CYP2R1: variants seen among roughly 807,000 people sequenced by gnomAD.
The protein encoded by CYP2R1 is cytochrome P450 family 2 subfamily R member 1, also known as vitamin D 25-hydroxylase.
Under a neutral mutation model 45.7 loss-of-function variants are expected in CYP2R1, and 40 were observed. The observed-to-expected ratio is 0.87, with a 90% CI of 0.68 to 1.14. CYP2R1 has a LOEUF of 1.14. CYP2R1 is among the 50% of genes most tolerant of loss of function. The pLI, the probability that CYP2R1 is intolerant of heterozygous loss-of-function variation, is 0.00. For missense variants in CYP2R1, 605 were observed against 602.6 expected (o/e 1.00, Z -0.04); for synonymous variants, 234 against 219.3 (o/e 1.07, Z -0.59).
At chr11:14,891,866 A>T in intron 1 of CYP2R1, 115 bp downstream of exon 1, 1 of 1,410,464 alleles carries the variant, frequency 7.1e-7, no homozygotes, top group Non-Finnish European at 9.4e-7. Context: ...CAGCCGGCAC[A>T]CGGAGAGGTC....
Position 14,880,373 on chromosome 11 carries a change from C to T in CYP2R1, c.763G>A (p.Asp255Asn). Residue 255 changes from aspartate to asparagine, a missense_variant, in exon 3 of 5, where the codon GAT (aspartate) becomes AAT (asparagine). Transcript: ENST00000334636. ...TTTTCAATGAGTCTGGAGAGAAAAT[C>T]ATAGACTACAGCTGCATTTCTAAAC... ...QLFRNAAVVY[D>N]FLSRLIEKAS... 1 of 1,613,364 alleles carries T rather than the reference C, an allele frequency of 6.2e-7. No individual in the cohort carries two copies. The highest frequency in any genetic ancestry group is 8.5e-7 in the Non-Finnish European group (1 of 1,179,622).
In CYP2R1 at chr11:14,892,188, T is replaced by G. The variant is rs575551334; in HGVS notation, c.18A>C (p.Arg6Ser). 1 of 1,610,198 alleles carries G rather than the reference T, an allele frequency of 6.2e-7. No individual in the cohort carries two copies. The highest frequency in any genetic ancestry group is 1.3e-5 in the African/African-American group (1 of 74,886). ...CGAGCGCCGCCGCGCCCTCTTCAGC[T>G]CTCCAAAGCTTCCACATCGGCCCGA... MWKLW[R>S]AEEGAAALGG... The change falls in exon 1 of 5, where the codon AGA becomes AGC. Residue 6 changes from arginine to serine, a missense_variant. Transcript: ENST00000334636.
chr11:14,880,163 AAAG>A lies in CYP2R1; in HGVS notation c.970_972del (p.Leu324del). ...TGAATATTAGGATAAAGGGCCATGAAAAGAATCGCCCACCGTAGCACATTGGTT... is the reference window on the plus strand; with the variant it reads ...TGAATATTAGGATAAAGGGCCATGAAAATCGCCCACCGTAGCACATTGGTT... On this transcript the variant is annotated inframe_deletion, in exon 3 of 5. Transcript: ENST00000334636. 6.2e-7 allele frequency: 1 copy of A among 1,612,786 alleles called. No homozygotes were observed. Among genetic ancestry groups the A allele is most frequent in the Non-Finnish European group, 8.5e-7 (1 of 1,179,224 alleles).
At chr11:14,880,873 T>C in intron 2 of CYP2R1, 105 bp from the exon 3 acceptor site, 2 of 1,076,480 alleles carry the variant, frequency 1.9e-6, no homozygotes, top group African/African-American at 1.6e-5. Context: ...CTTCTCCAAA[T>C]TGTCCTCCTA....
chr11:14,882,832 A>C (rs1848444451), intron 2 of CYP2R1, among the ~76,000 whole-genome samples: 1 of 152,212 alleles, frequency 6.6e-6, no homozygotes, highest in African/African-American at 2.4e-5. Context: ...AACTTCAGCA[A>C]ATTCTCAGGA....
At chr11:14,891,003 C>T (rs559577960) in intron 1 of CYP2R1, 8 of 985,432 alleles carry the variant, frequency 8.1e-6, no homozygotes, top group Non-Finnish European at 9.6e-6. Flanking sequence ...CACTCATCTG[C>T]CAACTCCTTA....
intron 2 of CYP2R1, among the ~76,000 whole-genome samples, chr11:14,884,192 A>G (rs1555013498): frequency 6.6e-6 from 1 of 151,994 alleles, no homozygotes; most frequent in Non-Finnish European, 1.5e-5. Flanking sequence ...TATATACCCA[A>G]AGGACTATAA....
At chr11:14,885,105 T>C (rs1380217925) in intron 2 of CYP2R1, among the ~76,000 whole-genome samples, 1 of 152,214 alleles carries the variant, frequency 6.6e-6, no homozygotes, top group South Asian at 2.1e-4. Context: ...AAATTTTTAT[T>C]TGAAATTAAA....
chr11:14,891,311 G>T, intron 1 of CYP2R1: 1 of 985,430 alleles, frequency 1.0e-6, no homozygotes, highest in Non-Finnish European at 1.2e-6. Flanking sequence ...CACAGAAGGC[G>T]CCTTTTAAGT....
chr11:14,880,950 T>C (rs1848360495), intron 2 of CYP2R1, among the ~76,000 whole-genome samples, 182 bp from the exon 3 acceptor site: 1 of 152,054 alleles, frequency 6.6e-6, no homozygotes, highest in Non-Finnish European at 1.5e-5. Context: ...AGATAAAGTT[T>C]TTCTACTCCT....
intron 1 of CYP2R1, among the ~76,000 whole-genome samples, chr11:14,889,813 C>T (rs565719333): frequency 5.9e-5 from 9 of 152,080 alleles, no homozygotes; most frequent in Non-Finnish European, 8.8e-5. Flanking sequence ...GGAGGTCGAA[C>T]AAATGTGTTC....
chr11:14,892,323 T>A, upstream of CYP2R1: 1 of 987,216 alleles, frequency 1.0e-6, no homozygotes, highest in Non-Finnish European at 1.5e-6. Context: ...CCGTGGCCAT[T>A]GGCTGACTGA....
chr11:14,885,111 T>C (rs1289296158), intron 2 of CYP2R1, among the ~76,000 whole-genome samples: 1 of 152,218 alleles, frequency 6.6e-6, no homozygotes, highest in Non-Finnish European at 1.5e-5. Context: ...TTATTTGAAA[T>C]TAAATGTGAA....
At chr11:14,886,465 G>C (rs1331756164) in intron 1 of CYP2R1, 1 of 155,498 alleles carries the variant, frequency 6.4e-6, no homozygotes, top group Non-Finnish European at 1.4e-5. Flanking sequence ...TCCACAAAGT[G>C]AATGAAGAGG....
Position 14,878,048 on chromosome 11 carries a change from C to T in CYP2R1, c.*74G>A, listed in dbSNP as rs1183717537. 1.1e-5 allele frequency: 16 copies of T among 1,497,228 alleles called. No individual in the cohort carries two copies. Among genetic ancestry groups the T allele is most frequent in the Non-Finnish European group, 1.4e-5 (15 of 1,085,812 alleles). The allele number at this position is 1,497,228 out of a possible 1,614,324, so 92.7% of individuals were successfully genotyped here. ...GCTGTGACTTTTATTCTAATACACACATTGATTTGATTAAACCAAGTTCAG... is the reference window on the plus strand; with the variant it reads ...GCTGTGACTTTTATTCTAATACACATATTGATTTGATTAAACCAAGTTCAG... On this transcript the variant is annotated 3_prime_UTR_variant, in exon 5 of 5. Transcript: ENST00000334636.
Position 14,892,185 on chromosome 11 carries a change from A to G in CYP2R1, c.21T>C (p.Ala7=), listed in dbSNP as rs545391887. Residue 7 remains alanine (A), a synonymous_variant, in exon 1 of 5, where the codon GCT becomes GCC. Transcript: ENST00000334636. The part of the protein sequence containing the change: MWKLWR[A]EEGAAALGGA... Reference sequence around the variant, plus strand: ...CGCCGAGCGCCGCCGCGCCCTCTTCAGCTCTCCAAAGCTTCCACATCGGCC... The same window carrying G: ...CGCCGAGCGCCGCCGCGCCCTCTTCGGCTCTCCAAAGCTTCCACATCGGCC... 12 of 1,610,256 alleles carry G rather than the reference A, an allele frequency of 7.5e-6. No homozygotes were observed. The highest frequency in any genetic ancestry group is 1.7e-5 in the Admixed American group (1 of 59,958).
At chr11:14,883,458 T>G (rs1390336433) in intron 2 of CYP2R1, among the ~76,000 whole-genome samples, 3 of 152,076 alleles carry the variant, frequency 2.0e-5, no homozygotes, top group African/African-American at 7.2e-5. Context: ...TAATAAATGG[T>G]GCTGGGAAAA....
intron 1 of CYP2R1, chr11:14,891,506 C>G: frequency 2.0e-6 from 2 of 994,378 alleles, no homozygotes; most frequent in Non-Finnish European, 2.4e-6. Context: ...ACCAGTCGTT[C>G]GTCGACTGCA....
Position 14,879,332 on chromosome 11 carries a change from A to G in CYP2R1, c.1112T>C (p.Phe371Ser). Residue 371 changes from phenylalanine (F) to serine (S), a missense_variant, in exon 4 of 5, where the codon TTC becomes TCC. Coordinates refer to ENST00000334636, the MANE Select transcript of CYP2R1 (RefSeq NM_024514.5). ...AATCCCTAATGGAACTATATTACAG[A>G]ATCTTAAAACTTCATGCAAAACTGC... Reference protein sequence around the residue: ...TEAVLHEVLRFCNIVPLGIFH... With the variant: ...TEAVLHEVLRSCNIVPLGIFH... The G allele has an allele frequency of 6.2e-7, 1 of 1,613,008 alleles. No individual in the cohort carries two copies. The highest frequency in any genetic ancestry group is 8.5e-7 in the Non-Finnish European group (1 of 1,179,538).
Sources: gnomAD v4.1 joint callset for allele counts (sites outside exome capture counted in the v4.1 genomes callset) on GRCh38, gnomAD v4.1.1 for gene constraint, MANE v1.5 for transcripts, NCBI Gene and HGNC (gene_info 2026-07-23, HGNC 2026-07-21) for gene names.